Variants in GUCY1B1 observed in about 807,000 individuals in gnomAD.
GUCY1B1 encodes the protein guanylate cyclase soluble subunit beta-1.
A neutral mutation model predicts 71.0 loss-of-function variants in GUCY1B1; 43 were observed. That is an observed-to-expected ratio of 0.61 (90% CI 0.47 to 0.78). The LOEUF is 0.78. GUCY1B1 is among the 30% of genes least tolerant of loss of function. The pLI, the probability that GUCY1B1 is intolerant of heterozygous loss-of-function variation, is 0.00. For missense variants in GUCY1B1, 535 were observed against 754.1 expected (o/e 0.71, Z 3.40); for synonymous variants, 266 against 259.7 (o/e 1.02, Z -0.23).
intron 2 of GUCY1B1, among the ~76,000 whole-genome samples, chr4:155,770,626 A>G (rs1158508834): frequency 6.6e-6 from 1 of 152,154 alleles, no homozygotes; most frequent in Non-Finnish European, 1.5e-5. Flanking sequence ...GATACCTCCA[A>G]TTAACTTTTG....
intron 2 of GUCY1B1, among the ~76,000 whole-genome samples, chr4:155,773,083 C>T (rs1438962221): frequency 2.6e-5 from 4 of 152,178 alleles, no homozygotes; most frequent in Admixed American, 1.3e-4. Context: ...GTTGCAAGTT[C>T]GCCTAATTAG....
intron 5 of GUCY1B1, among the ~76,000 whole-genome samples, chr4:155,793,556 G>T (rs1283941438): frequency 2.6e-5 from 4 of 152,004 alleles, no homozygotes; most frequent in Non-Finnish European, 5.9e-5. Flanking sequence ...AGTGTGCTTG[G>T]CTAAGAAGGC....
chr4:155,782,870 A>G (rs1409775787), intron 4 of GUCY1B1, among the ~76,000 whole-genome samples: 1 of 152,176 alleles, frequency 6.6e-6, no homozygotes, highest in African/African-American at 2.4e-5. Context: ...GTAGACTGGC[A>G]GATAGCAGTT....
intron 12 of GUCY1B1, 59 bp downstream of exon 12, chr4:155,804,806 G>A: frequency 6.9e-7 from 1 of 1,446,394 alleles, no homozygotes; most frequent in East Asian, 2.4e-5. Context: ...TTTGCATGTG[G>A]TTTAATTCTC....
intron 8 of GUCY1B1, among the ~76,000 whole-genome samples, chr4:155,797,650 G>A (rs572703603): frequency 3.7e-4 from 56 of 151,268 alleles, no homozygotes; most frequent in Non-Finnish European, 6.9e-4. Flanking sequence ...AGGCAGGAGA[G>A]TCGCTTGAAC....
At chr4:155,768,239 A>G (rs1401853786) in intron 2 of GUCY1B1, among the ~76,000 whole-genome samples, 2 of 152,192 alleles carry the variant, frequency 1.3e-5, no homozygotes, top group African/African-American at 2.4e-5. Flanking sequence ...CTAAAAATGT[A>G]CAGTAGCAGG....
Position 155,763,920 on chromosome 4 carries a change from G to C in GUCY1B1, c.77+4060G>C, listed in dbSNP as rs60167988. On this transcript the variant is annotated intron_variant, in intron 2 of 13. Coordinates refer to ENST00000264424, the MANE Select transcript of GUCY1B1 (RefSeq NM_000857.5). ...TTTTTTATTTTACTCTAGAATCAGA[G>C]TTTTTAAACTTTCCGTTCCCCAATT... 8.1e-3 allele frequency among the ~76,000 whole-genome samples: 1,229 copies of C among 152,124 alleles called. 21 individuals carry two copies. The highest frequency in any genetic ancestry group is 0.028 in the African/African-American group (1,173 of 41,502).
chr4:155,763,052 A>G (rs1402995691), intron 2 of GUCY1B1, among the ~76,000 whole-genome samples: 1 of 152,198 alleles, frequency 6.6e-6, no homozygotes. Flanking sequence ...GTAGAAAATA[A>G]ATAAAGTTAG....
intron 2 of GUCY1B1, among the ~76,000 whole-genome samples, chr4:155,763,735 G>A (rs1737153581): frequency 6.6e-6 from 1 of 152,112 alleles, no homozygotes; most frequent in South Asian, 2.1e-4. Context: ...GAAACACTTT[G>A]CTATAAACTA....
rs1740378315 is a variant in GUCY1B1 at position 155,807,248 on chromosome 4, C to T, written c.*839C>T. On this transcript the variant is annotated 3_prime_UTR_variant, in exon 14 of 14. Transcript: ENST00000264424. ...CCACATCCAAGAATAAATCTGGAAA[C>T]ACACTGCTGGGATACTGCTGTTAGA... is the stretch of plus-strand genomic sequence containing the variant. 1 of 152,168 alleles carries T rather than the reference C, an allele frequency of 6.6e-6. No homozygotes were observed. The highest frequency in any genetic ancestry group is 2.1e-4 in the South Asian group (1 of 4,828). 9.4% of individuals were successfully genotyped at this position (152,168 alleles called of 1,614,324 possible).
At chr4:155,776,102 T>C (rs1380505) in intron 3 of GUCY1B1, among the ~76,000 whole-genome samples, 5,805 of 152,244 alleles carry the variant, frequency 0.038, 383 homozygotes, top group African/African-American at 0.13. Flanking sequence ...GTCTTAAAAA[T>C]GGAAATATCT....
intron 2 of GUCY1B1, among the ~76,000 whole-genome samples, chr4:155,771,500 G>A (rs1040438106): frequency 2.0e-5 from 3 of 152,150 alleles, no homozygotes; most frequent in African/African-American, 7.2e-5. Flanking sequence ...AGAAATTTAT[G>A]TGATTTGATT....
At chr4:155,801,705 G>A (rs1289797109) in intron 9 of GUCY1B1, among the ~76,000 whole-genome samples, 1 of 152,110 alleles carries the variant, frequency 6.6e-6, no homozygotes, top group Non-Finnish European at 1.5e-5. Context: ...TTCACCAGCT[G>A]TCATCCTCCT....
chr4:155,759,487 G>T, intron 1 of GUCY1B1: 1 of 502,678 alleles, frequency 2.0e-6, no homozygotes, highest in South Asian at 3.1e-5. Flanking sequence ...GGAAGGCTCC[G>T]GGTTCGCGTC....
At chr4:155,772,666 C>T in intron 2 of GUCY1B1, 2 of 701,618 alleles carry the variant, frequency 2.9e-6, no homozygotes, top group Non-Finnish European at 5.2e-6. Flanking sequence ...CGGATCCTCC[C>T]ACCTGGGCTT....
rs572855087 is a variant in GUCY1B1 at position 155,804,457 on chromosome 4, C to T, written c.1555-136C>T. On this transcript the variant is annotated intron_variant, in intron 11 of 13. Coordinates refer to ENST00000264424, the MANE Select transcript of GUCY1B1 (RefSeq NM_000857.5). ...TAATGGGTTGATAGGTGCAGCAAAC[C>T]ACCATGGCACATATATACCTATGTA... 3.1e-6 allele frequency: 2 copies of T among 652,116 alleles called. 1 individual carries two copies. Among genetic ancestry groups the T allele is most frequent in the South Asian group, 3.9e-5 (2 of 51,262 alleles). The allele number at this position is 652,116 out of a possible 1,614,324, so 40.4% of individuals were successfully genotyped here.
intron 4 of GUCY1B1, 53 bp from the exon 5 acceptor site, chr4:155,789,661 T>G (rs1451627466): frequency 9.7e-7 from 1 of 1,028,874 alleles, no homozygotes; most frequent in Non-Finnish European, 1.5e-6. Flanking sequence ...TCCCAGAGTC[T>G]GCTGTCATTG....
At chr4:155,798,261 GT>G (rs1248177797) in intron 8 of GUCY1B1, among the ~76,000 whole-genome samples, 1 of 152,110 alleles carries the variant, frequency 6.6e-6, no homozygotes, top group African/African-American at 2.4e-5. Flanking sequence ...AAGATGATTA[GT>G]TTGAATTTAG....
intron 9 of GUCY1B1, among the ~76,000 whole-genome samples, chr4:155,800,656 A>T (rs992255862): frequency 6.6e-6 from 1 of 152,246 alleles, no homozygotes; most frequent in Non-Finnish European, 1.5e-5. Context: ...GGATTCAATT[A>T]TGAAATATTG....
Sources: gnomAD v4.1 joint callset for allele counts (sites outside exome capture counted in the v4.1 genomes callset) on GRCh38, gnomAD v4.1.1 for gene constraint, MANE v1.5 for transcripts, NCBI Gene and HGNC (gene_info 2026-07-23, HGNC 2026-07-21) for gene names.